The following CNOT1 variants were observed in gnomAD, a reference collection of about 807,000 sequenced individuals.
CNOT1 encodes the protein CCR4-associated factor 1.
CNOT1 carries 15 observed loss-of-function variants against 273.8 expected under a neutral mutation model. That is an observed-to-expected ratio of 0.05 (90% CI 0.04 to 0.08). The LOEUF (loss-of-function observed/expected upper bound fraction) is 0.08. Ranked by LOEUF, CNOT1 falls within the 10% of genes least tolerant of loss-of-function variation. The pLI is 1.00. For missense variants in CNOT1, 1,644 were observed against 2,912.2 expected, an observed-to-expected ratio of 0.56 and a Z score of 10.02; for synonymous variants, 1,022 against 1,005.5, an observed-to-expected ratio of 1.02 and a Z score of -0.31.
intron 47 of CNOT1, 156 bp downstream of exon 47, chr16:58,523,214 C>T: frequency 1.5e-6 from 1 of 675,474 alleles, no homozygotes; most frequent in Non-Finnish European, 2.3e-6. Context: ...CACTGTACTG[C>T]AGACTGAGTG....
intron 21 of CNOT1, among the ~76,000 whole-genome samples, 175 bp downstream of exon 21, chr16:58,555,076 T>A (rs1393567166): frequency 1.3e-5 from 2 of 151,868 alleles, no homozygotes; most frequent in Non-Finnish European, 2.9e-5. Flanking sequence ...GGAATGGTGG[T>A]ATGCACCTGT....
intron 34 of CNOT1, among the ~76,000 whole-genome samples, chr16:58,540,236 AG>A (rs1362795615): frequency 6.6e-6 from 1 of 152,184 alleles, no homozygotes; most frequent in Non-Finnish European, 1.5e-5. Context: ...AGAGAGCATT[AG>A]TAACAATGAG....
Position 58,583,156 on chromosome 16 carries a change from A to G in CNOT1, c.833T>C (p.Val278Ala). Residue 278 changes from valine (V) to alanine (A), a missense_variant, in exon 9 of 49, where the codon GTG becomes GCG. Physicochemically the swap from Val to Ala is moderately conservative, Grantham distance 64 (BLOSUM62 0). This residue lies in a region of CNOT1 where 706 missense variants were observed against 1,021.2 expected (regional missense o/e 0.69). Coordinates refer to ENST00000317147, the MANE Select transcript of CNOT1 (RefSeq NM_016284.5). The part of the protein sequence containing the change: ...ASIEECRNII[V>A]QFGVREVTAA... Reference sequence around the variant, plus strand: ...TGTGACCTCCCGAACACCAAACTGCACGATTATATTGCGACATTCTTCAAT... The same window carrying G: ...TGTGACCTCCCGAACACCAAACTGCGCGATTATATTGCGACATTCTTCAAT... 2.5e-6 allele frequency: 4 copies of G among 1,614,052 alleles called. No individual in the cohort carries two copies. The highest frequency in any genetic ancestry group is 3.4e-6 in the Non-Finnish European group (4 of 1,180,008).
chr16:58,572,278 C>T (rs1265440880), intron 16 of CNOT1, among the ~76,000 whole-genome samples: 5 of 150,512 alleles, frequency 3.3e-5, no homozygotes, highest in African/African-American at 1.2e-4. Context: ...GAGCAAAACT[C>T]CATCTCAAAA....
rs917820725 is a variant in CNOT1 at position 58,519,996 on chromosome 16, CAAG to C, written c.*959_*961del. The C allele has an allele frequency of 5.3e-5, 8 of 152,148 alleles. No homozygotes were observed. Among genetic ancestry groups the C allele is most frequent in the African/African-American group, 1.7e-4 (7 of 41,408 alleles). The allele number at this position is 152,148 out of a possible 1,614,324, so 9.4% of individuals were successfully genotyped here. On this transcript the variant is annotated 3_prime_UTR_variant, in exon 49 of 49. Transcript: ENST00000317147. ...GTTAGCTACAGTATGCATACACATACAAGAAGTAGGGGAGCTGAAGCCCAGGAA... is the reference window on the plus strand; with the variant it reads ...GTTAGCTACAGTATGCATACACATACAAGTAGGGGAGCTGAAGCCCAGGAA...
At chr16:58,583,748 A>T (rs1419938133) in intron 8 of CNOT1, among the ~76,000 whole-genome samples, 1 of 152,114 alleles carries the variant, frequency 6.6e-6, no homozygotes, top group East Asian at 1.9e-4. Flanking sequence ...CACATTGGCC[A>T]GGCTGATCTC....
intron 13 of CNOT1, among the ~76,000 whole-genome samples, chr16:58,576,966 G>A (rs1395435386): frequency 2.0e-5 from 3 of 152,136 alleles, no homozygotes; most frequent in African/African-American, 7.2e-5. Context: ...ACAATTTAAG[G>A]TAACTATTTC....
At chr16:58,525,146 A>T (rs756427063) in intron 46 of CNOT1, 33 bp downstream of exon 46, 8 of 1,602,894 alleles carry the variant, frequency 5.0e-6, no homozygotes, top group African/African-American at 1.3e-5. Flanking sequence ...AGCACAGAGA[A>T]CTCTACTCTG....
intron 34 of CNOT1, among the ~76,000 whole-genome samples, chr16:58,540,744 C>A (rs1001319658): frequency 1.3e-5 from 2 of 152,046 alleles, no homozygotes; most frequent in Non-Finnish European, 2.9e-5. Flanking sequence ...TTAAGAAATA[C>A]AAACCAAAGG....
chr16:58,560,102 T>C (rs982135499), intron 17 of CNOT1, 110 bp downstream of exon 17: 3 of 1,534,500 alleles, frequency 2.0e-6, no homozygotes, highest in South Asian at 2.6e-5. Flanking sequence ...ATGCTAGACA[T>C]GCAGTTATCT....
intron 17 of CNOT1, chr16:58,559,703 T>TAA (rs1388371254): frequency 2.4e-6 from 1 of 422,668 alleles, no homozygotes; most frequent in African/African-American, 2.0e-5. Context: ...CTTTCTTCCT[T>TAA]AAAACCCAAT....
At chr16:58,618,380 G>A (rs1438118497) in intron 1 of CNOT1, among the ~76,000 whole-genome samples, 1 of 152,084 alleles carries the variant, frequency 6.6e-6, no homozygotes, top group Non-Finnish European at 1.5e-5. Context: ...TCAGGAGTTC[G>A]AGACCAGCCT....
chr16:58,605,360 G>A (rs993215637), intron 1 of CNOT1, among the ~76,000 whole-genome samples: 23 of 151,926 alleles, frequency 1.5e-4, no homozygotes, highest in African/African-American at 2.2e-4. Flanking sequence ...AAAATTGGCC[G>A]GGTGTGGTGG....
intron 22 of CNOT1, among the ~76,000 whole-genome samples, chr16:58,553,405 T>C (rs2040520452): frequency 6.6e-6 from 1 of 152,148 alleles, no homozygotes; most frequent in Non-Finnish European, 1.5e-5. Flanking sequence ...AACTCAAAAA[T>C]TTCAGATTTT....
chr16:58,561,813 C>T (rs893378169), intron 16 of CNOT1, among the ~76,000 whole-genome samples: 6 of 152,106 alleles, frequency 3.9e-5, no homozygotes, highest in African/African-American at 1.4e-4. Flanking sequence ...CTTCTGACCC[C>T]AAGCATTTCA....
intron 16 of CNOT1, among the ~76,000 whole-genome samples, chr16:58,570,343 TA>T (rs1445448422): frequency 1.4e-4 from 21 of 152,202 alleles, no homozygotes; most frequent in African/African-American, 4.8e-4. Context: ...ATCTCCTAAT[TA>T]AAGAACAACT....
At position 58,525,173 on chromosome 16, in the gene CNOT1, A is replaced by G; in HGVS notation, c.6784+6T>C. 3 of 1,612,704 alleles carry G rather than the reference A, an allele frequency of 1.9e-6. No individual in the cohort carries two copies. Among genetic ancestry groups the G allele is most frequent in the Non-Finnish European group, 2.5e-6 (3 of 1,179,812 alleles). ...TCTACTCTGAAAACTGGCAGGCTTC[A>G]CTCACCCTCAGTGTCCAAGTCCACA... On this transcript the variant is annotated splice_donor_region_variant and intron_variant, in intron 46 of 48. Coordinates refer to ENST00000317147, the MANE Select transcript of CNOT1 (RefSeq NM_016284.5).
rs2040599569 is a variant in CNOT1, at chr16:58,555,494, C to T, written c.2648G>A (p.Arg883Lys). 6.2e-7 allele frequency: 1 copy of T among 1,613,958 alleles called. No individual in the cohort carries two copies. The highest frequency in any genetic ancestry group is 8.5e-7 in the Non-Finnish European group (1 of 1,180,022). The change falls in exon 21 of 49, where the codon AGG becomes AAG. Residue 883 changes from arginine to lysine, a missense_variant. Around this residue, in one of 13 missense-constraint regions of CNOT1, gnomAD observed 74 missense variants for 184.6 expected, o/e 0.40. Transcript: ENST00000317147. ...LQRFKDSTIK[R>K]EREVFNCMLR... ...CATACAGTTAAATACTTCTCGTTCCCTCTTTATAGTAGAGTCTTTAAATCT... is the reference window on the plus strand; with the variant it reads ...CATACAGTTAAATACTTCTCGTTCCTTCTTTATAGTAGAGTCTTTAAATCT...
In CNOT1 at chr16:58,529,386, G is replaced by A. The variant is rs181387724; in HGVS notation, c.6280-738C>T. ...AAAAGGGCAAGCTGTGAGAGTGGGA[G>A]ATGTTTGAATATATAGTAACAACAA... On this transcript the variant is annotated intron_variant, in intron 43 of 48. Coordinates refer to ENST00000317147, the MANE Select transcript of CNOT1 (RefSeq NM_016284.5). Among the ~76,000 whole-genome samples the A allele has an allele frequency of 1.5e-4, 23 of 152,218 alleles. No homozygotes were observed. In the East Asian group the frequency reaches 4.2e-3, roughly 28 times the overall value.
Sources: allele counts gnomAD v4.1 joint callset (sites outside exome capture counted in the v4.1 genomes callset), GRCh38; gene constraint gnomAD v4.1.1; regional missense constraint gnomAD v4.1.1; transcripts MANE v1.5; gene names NCBI Gene and HGNC (gene_info 2026-07-23, HGNC 2026-07-21).